SLC45A2: variants seen among roughly 807,000 people sequenced by gnomAD.
SLC45A2 encodes solute carrier family 45 member 2.
SLC45A2 carries 36 observed loss-of-function variants against 45.5 expected under a neutral mutation model. The ratio of observed to expected loss-of-function variants is 0.79; its 90% CI spans 0.61 to 1.04. The LOEUF is 1.04. SLC45A2 is among the 50% of genes least tolerant of loss of function. The probability of loss-of-function intolerance (pLI) is 0.00; values close to 1 mark genes in which losing one functional copy is unlikely to be tolerated. For missense variants in SLC45A2, 719 were observed against 671.0 expected (o/e 1.07, Z -0.79); for synonymous variants, 306 against 269.3 (o/e 1.14, Z -1.33).
In SLC45A2 at chr5:33,984,575, G is replaced by C; in HGVS notation, c.9C>G (p.Ser3Arg). MG[S>R]NSGQAGRHIY... ...TGTGGCGGCCAGCCTGCCCACTGTT[G>C]CTACCCATGGCCACTGGGAGAGGAA... The change falls in exon 1 of 7, where the codon AGC becomes AGG. Residue 3 changes from serine (S) to arginine (R), a missense_variant. By Grantham distance (110) the Ser-to-Arg change is moderately radical. Coordinates refer to ENST00000296589, the MANE Select transcript of SLC45A2 (RefSeq NM_016180.5). 2 of 1,609,682 alleles carry C rather than the reference G, an allele frequency of 1.2e-6. No individual in the cohort carries two copies. Among genetic ancestry groups the C allele is most frequent in the Non-Finnish European group, 1.7e-6 (2 of 1,179,998 alleles).
At chr5:33,953,973 A>G (rs576872893) in intron 4 of SLC45A2, among the ~76,000 whole-genome samples, 2 of 139,202 alleles carry the variant, frequency 1.4e-5, no homozygotes, top group East Asian at 2.1e-4. Flanking sequence ...AGGCCATTAC[A>G]TAATGGTAAA....
chr5:33,968,703 G>A (rs572207702), intron 2 of SLC45A2, among the ~76,000 whole-genome samples: 3 of 152,200 alleles, frequency 2.0e-5, no homozygotes, highest in Non-Finnish European at 2.9e-5. Context: ...GGAATCTAAA[G>A]GATGAAAGGA....
At chr5:33,951,735 C>T in intron 4 of SLC45A2, 58 bp from the exon 5 acceptor site, 1 of 1,609,056 alleles carries the variant, frequency 6.2e-7, no homozygotes, top group South Asian at 1.1e-5. Flanking sequence ...GAACCCTTCT[C>T]ATGCACTCTG....
intron 1 of SLC45A2, 63 bp downstream of exon 1, chr5:33,984,136 C>T (rs1753164581): frequency 6.2e-7 from 1 of 1,604,842 alleles, no homozygotes; most frequent in Admixed American, 1.7e-5. Flanking sequence ...GAACATCCTC[C>T]TCCTGCAGAG....
Position 33,944,797 on chromosome 5 carries a change from T to C in SLC45A2, c.1444A>G (p.Met482Val). 1 of 1,614,208 alleles carries C rather than the reference T, an allele frequency of 6.2e-7. No homozygotes were observed. The highest frequency in any genetic ancestry group is 8.5e-7 in the Non-Finnish European group (1 of 1,180,022). Residue 482 changes from methionine to valine, a missense_variant, in exon 7 of 7, where the codon ATG becomes GTG. Coordinates refer to ENST00000296589, the MANE Select transcript of SLC45A2 (RefSeq NM_016180.5). ...ACCAGGATCTGAGCCAGCTGCACCA[T>C]GCATGTGAGGGTGGCGCAGTCCATG... Reference protein sequence around the residue: ...KGMDCATLTCMVQLAQILVGG... With the variant: ...KGMDCATLTCVVQLAQILVGG...
At chr5:33,946,600 G>A in intron 6 of SLC45A2, 3 of 1,003,094 alleles carry the variant, frequency 3.0e-6, no homozygotes, top group Non-Finnish European at 3.6e-6. Context: ...TCCCGCTCAG[G>A]GCAGCAAAGT....
chr5:33,978,220 T>C (rs1002857164), intron 2 of SLC45A2, among the ~76,000 whole-genome samples: 5 of 152,168 alleles, frequency 3.3e-5, no homozygotes, highest in African/African-American at 1.2e-4. Context: ...ATCTTAAGAC[T>C]GCCATACAAA....
rs1257919888 is a variant in SLC45A2 at position 33,954,346 on chromosome 5, A to C, written c.1032+15T>G. The C allele has an allele frequency of 2.5e-6, 4 of 1,613,990 alleles. No individual in the cohort carries two copies. Among genetic ancestry groups the C allele is most frequent in the Non-Finnish European group, 3.4e-6 (4 of 1,179,918 alleles). ...GATGTGTAACAGTGATTGTGTGCACAGACACGTTCATTACCTGGCCCATGA... is the reference window on the plus strand; with the variant it reads ...GATGTGTAACAGTGATTGTGTGCACCGACACGTTCATTACCTGGCCCATGA... On this transcript the variant is annotated intron_variant, in intron 4 of 6. Coordinates refer to ENST00000296589, the MANE Select transcript of SLC45A2 (RefSeq NM_016180.5).
Position 33,947,235 on chromosome 5 carries a change from A to G in SLC45A2, c.1296T>C (p.Gly432=), listed in dbSNP as rs1359641274. 2 of 1,614,210 alleles carry G rather than the reference A, an allele frequency of 1.2e-6. No individual in the cohort carries two copies. The highest frequency in any genetic ancestry group is 3.3e-5 in the Admixed American group (2 of 60,024). ...YSTLVLCSLF[G]VMSSTLYTVP... is the part of the protein sequence containing the mutation. ...CAGTGTACAGGGTGCTGGACATTACACCAAACAGGCTGCACAGGACCAGGG... is the reference window on the plus strand; with the variant it reads ...CAGTGTACAGGGTGCTGGACATTACGCCAAACAGGCTGCACAGGACCAGGG... The change falls in exon 6 of 7, where the codon GGT becomes GGC. Residue 432 remains glycine (G), a synonymous_variant. Transcript: ENST00000296589.
At position 33,947,279 on chromosome 5, in the gene SLC45A2, A is replaced by G; in HGVS notation, c.1252T>C (p.Phe418Leu). 1 of 1,614,244 alleles carries G rather than the reference A, an allele frequency of 6.2e-7. No homozygotes were observed. Among genetic ancestry groups the G allele is most frequent in the South Asian group, 1.1e-5 (1 of 91,088 alleles). The change falls in exon 6 of 7, where the codon TTC (phenylalanine) becomes CTC (leucine). Residue 418 changes from phenylalanine to leucine, a missense_variant. Phe to Leu is a conservative substitution (Grantham distance 22). Transcript: ENST00000296589. ...ACCAGGGTGGAGTAGACATTCGGGA[A>G]GAGCCCAATAAATCCCGTCCCCAGG... ...FGLGTGFIGL[F>L]PNVYSTLVLC...
Position 33,954,436 on chromosome 5 carries a change from G to C in SLC45A2, c.957C>G (p.Tyr319Ter). 1 of 1,614,108 alleles carries C rather than the reference G, an allele frequency of 6.2e-7. No homozygotes were observed. Among genetic ancestry groups the C allele is most frequent in the Non-Finnish European group, 8.5e-7 (1 of 1,180,004 alleles). ...ALVNMPPHYRYLCISHLIGWT... is the reference protein window; with the variant it reads ...ALVNMPPHYR ...ATCCAATGAGGTGGCTGATGCAAAG[G>C]TAGCGGTAGTGAGGAGGCATGTTCA... is the stretch of plus-strand genomic sequence containing the variant. Residue 319 changes from tyrosine to a stop codon, truncating the protein, a stop_gained, in exon 4 of 7, where the codon TAC becomes TAG. Coordinates refer to ENST00000296589, the MANE Select transcript of SLC45A2 (RefSeq NM_016180.5). LOFTEE classifies it high-confidence loss of function.
chr5:33,964,945 G>A (rs1345144266), intron 2 of SLC45A2, among the ~76,000 whole-genome samples: 3 of 152,146 alleles, frequency 2.0e-5, no homozygotes, highest in Non-Finnish European at 4.4e-5. Context: ...GAGATAGCAT[G>A]GTTGGGGAGG....
At chr5:33,970,893 G>T (rs941610793) in intron 2 of SLC45A2, 7 of 365,184 alleles carry the variant, frequency 1.9e-5, no homozygotes, top group Admixed American at 1.1e-4. Context: ...GATATTTCAG[G>T]ACTACAGCAA....
rs141933023 is a variant in SLC45A2 at position 33,984,456 on chromosome 5, A to G, written c.128T>C (p.Phe43Ser). 3.1e-6 allele frequency: 5 copies of G among 1,613,752 alleles called. No homozygotes were observed. The highest frequency in any genetic ancestry group is 1.3e-5 in the African/African-American group (1 of 74,932). Residue 43 changes from phenylalanine to serine, a missense_variant, in exon 1 of 7, where the codon TTC (phenylalanine) becomes TCC (serine). Phe to Ser is a radical substitution (Grantham distance 155). Coordinates refer to ENST00000296589, the MANE Select transcript of SLC45A2 (RefSeq NM_016180.5). ...SRLIMHSMAMFGREFCYAVEA... is the reference protein window; with the variant it reads ...SRLIMHSMAMSGREFCYAVEA... ...CACCGCGTAGCAGAACTCTCTTCCGAACATGGCCATGCTGTGCATGATGAG... is the reference window on the plus strand; with the variant it reads ...CACCGCGTAGCAGAACTCTCTTCCGGACATGGCCATGCTGTGCATGATGAG...
Position 33,984,467 on chromosome 5 carries a change from G to A in SLC45A2, c.117C>T (p.Ser39=). The A allele has an allele frequency of 6.2e-7, 1 of 1,613,756 alleles. No individual in the cohort carries two copies. The part of the protein sequence containing the change: ...KRPTSRLIMH[S]MAMFGREFCY... ...AGAACTCTCTTCCGAACATGGCCAT[G>A]CTGTGCATGATGAGTCTGCTGGTGG... The change falls in exon 1 of 7, where the codon AGC becomes AGT. Residue 39 remains serine, a synonymous_variant. Coordinates refer to ENST00000296589, the MANE Select transcript of SLC45A2 (RefSeq NM_016180.5).
intron 4 of SLC45A2, among the ~76,000 whole-genome samples, chr5:33,952,418 A>G (rs959692572): frequency 6.6e-6 from 1 of 150,422 alleles, no homozygotes; most frequent in Non-Finnish European, 1.5e-5. Flanking sequence ...AAGATGTGAG[A>G]GGTATTACAA....
intron 1 of SLC45A2, among the ~76,000 whole-genome samples, chr5:33,983,423 A>G (rs1036398241): frequency 2.0e-5 from 3 of 152,204 alleles, no homozygotes; most frequent in African/African-American, 4.8e-5. Flanking sequence ...AGAGTCAACA[A>G]TGCTTATCAG....
chr5:33,953,155 C>T (rs1443969395), intron 4 of SLC45A2, among the ~76,000 whole-genome samples: 12 of 149,596 alleles, frequency 8.0e-5, no homozygotes, highest in South Asian at 2.1e-4. Context: ...AGTAAACATA[C>T]GTGTGCATGT....
intron 3 of SLC45A2, among the ~76,000 whole-genome samples, chr5:33,957,551 A>G (rs918746954): frequency 3.3e-5 from 5 of 152,184 alleles, no homozygotes; most frequent in African/African-American, 1.2e-4. Flanking sequence ...TTGAAGGAAA[A>G]TAACTGTTTT....
Sources: gnomAD v4.1 joint callset for allele counts (sites outside exome capture counted in the v4.1 genomes callset) on GRCh38, gnomAD v4.1.1 for gene constraint, MANE v1.5 for transcripts, NCBI Gene and HGNC (gene_info 2026-07-23, HGNC 2026-07-21) for gene names.